Variants in AUTS2 observed in about 807,000 individuals in gnomAD.
AUTS2 encodes activator of transcription and developmental regulator AUTS2.
In AUTS2, 17 loss-of-function variants were observed where a neutral mutation model predicts 112.4. The ratio of observed to expected loss-of-function variants is 0.15; its 90% CI spans 0.10 to 0.23. The LOEUF is 0.23. Ranked by LOEUF, AUTS2 falls within the 10% of genes least tolerant of loss-of-function variation. The pLI is 1.00. For synonymous variants in AUTS2, 751 were observed against 702.7 expected, an observed-to-expected ratio of 1.07 and a Z score of -1.09; for missense variants, 1,510 against 1,701.6, an observed-to-expected ratio of 0.89 and a Z score of 1.98.
intron 1 of AUTS2, among the ~76,000 whole-genome samples, chr7:69,664,257 C>T (rs1231212723): frequency 6.6e-6 from 1 of 151,980 alleles, no homozygotes; most frequent in Non-Finnish European, 1.5e-5. Context: ...ATTTTGCTAT[C>T]AAAGAAAAAT....
chr7:70,265,481 G>GA (rs1787375203), intron 4 of AUTS2, among the ~76,000 whole-genome samples: 1 of 152,092 alleles, frequency 6.6e-6, no homozygotes, highest in South Asian at 2.1e-4. Context: ...TGGGAGGTGA[G>GA]AAAAAAAGTT....
At chr7:70,325,638 T>A (rs1005377860) in intron 4 of AUTS2, among the ~76,000 whole-genome samples, 1 of 152,190 alleles carries the variant, frequency 6.6e-6, no homozygotes, top group Non-Finnish European at 1.5e-5. Flanking sequence ...TAGAACCTGG[T>A]CACTCCAACC....
chr7:70,330,823 T>G (rs372869368), intron 4 of AUTS2, among the ~76,000 whole-genome samples: 23 of 152,356 alleles, frequency 1.5e-4, no homozygotes, highest in East Asian at 1.3e-3. Context: ...TTTATAATTT[T>G]CAGCATATAA....
At chr7:70,004,279 G>T (rs1253665302) in intron 2 of AUTS2, among the ~76,000 whole-genome samples, 1 of 121,614 alleles carries the variant, frequency 8.2e-6, no homozygotes, top group Non-Finnish European at 1.7e-5. Flanking sequence ...ATATATGAAT[G>T]TGTTATATAT....
chr7:70,763,087 G>A lies in AUTS2; in HGVS notation c.960G>A (p.Pro320=), dbSNP rs769492646. 47 of 1,614,040 alleles carry A rather than the reference G, an allele frequency of 2.9e-5. No homozygotes were observed. Among genetic ancestry groups the A allele is most frequent in the East Asian group, 1.3e-4 (6 of 44,872 alleles). ...QTEPQLRAPS[P]DPDLVQRTEA... ...AGCCCCAACTCCGAGCTCCTTCTCC[G>A]GACCCTGACTTGGTGCAGCGCACAG... The change falls in exon 7 of 19, where the codon CCG becomes CCA. Residue 320 remains proline (P), a synonymous_variant. Coordinates refer to ENST00000342771, the MANE Select transcript of AUTS2 (RefSeq NM_015570.4).
intron 2 of AUTS2, among the ~76,000 whole-genome samples, chr7:69,964,371 C>T (rs77469314): frequency 1.3e-5 from 2 of 152,274 alleles, no homozygotes; most frequent in East Asian, 3.9e-4. Context: ...ATGTGCTACC[C>T]ATTTGCGTGC....
chr7:70,763,076 G>T lies in AUTS2; in HGVS notation c.949G>T (p.Ala317Ser). 6.2e-7 allele frequency: 1 copy of T among 1,614,118 alleles called. No individual in the cohort carries two copies. Among genetic ancestry groups the T allele is most frequent in the Non-Finnish European group, 8.5e-7 (1 of 1,180,020 alleles). Residue 317 changes from alanine to serine, a missense_variant, in exon 7 of 19, where the codon GCT (alanine) becomes TCT (serine). Coordinates refer to ENST00000342771, the MANE Select transcript of AUTS2 (RefSeq NM_015570.4). ...PQPQTEPQLR[A>S]PSPDPDLVQR... ...GCCGCAGACGGAGCCCCAACTCCGA[G>T]CTCCTTCTCCGGACCCTGACTTGGT...
intron 4 of AUTS2, among the ~76,000 whole-genome samples, chr7:70,415,070 T>A (rs1470558748): frequency 6.6e-6 from 1 of 152,166 alleles, no homozygotes; most frequent in Non-Finnish European, 1.5e-5. Context: ...CCCTCAGAGG[T>A]GAGTGTCAAC....
chr7:70,188,433 A>G (rs1211126337), intron 4 of AUTS2, among the ~76,000 whole-genome samples: 5 of 152,228 alleles, frequency 3.3e-5, no homozygotes, highest in Non-Finnish European at 7.3e-5. Context: ...TCGTGTGTGA[A>G]TAATTGTAGG....
At chr7:70,566,335 C>G (rs1368077510) in intron 5 of AUTS2, among the ~76,000 whole-genome samples, 1 of 152,130 alleles carries the variant, frequency 6.6e-6, no homozygotes, top group Non-Finnish European at 1.5e-5. Flanking sequence ...AGGTGTATTT[C>G]TTGTCTTTTG....
intron 7 of AUTS2, 124 bp downstream of exon 7, chr7:70,763,465 T>C: frequency 2.8e-6 from 2 of 708,618 alleles, no homozygotes; most frequent in Non-Finnish European, 4.7e-6. Context: ...TCCTTTTCTC[T>C]GAGACTAGAG....
chr7:70,331,072 T>G (rs1259928190), intron 4 of AUTS2, among the ~76,000 whole-genome samples: 2 of 152,142 alleles, frequency 1.3e-5, no homozygotes, highest in Non-Finnish European at 1.5e-5. Context: ...TAAAATGAGT[T>G]AGGGAGGAGT....
chr7:69,838,389 A>G (rs969598628), intron 1 of AUTS2, among the ~76,000 whole-genome samples: 1 of 152,170 alleles, frequency 6.6e-6, no homozygotes, highest in African/African-American at 2.4e-5. Context: ...AACTTGCTTG[A>G]TCTTCACAAT....
intron 5 of AUTS2, among the ~76,000 whole-genome samples, chr7:70,653,762 T>C (rs1171204417): frequency 6.6e-6 from 1 of 152,230 alleles, no homozygotes; most frequent in Non-Finnish European, 1.5e-5. Flanking sequence ...AGTTGTATTT[T>C]TTTCTTTAAA....
chr7:69,968,148 A>G (rs549908163), intron 2 of AUTS2, among the ~76,000 whole-genome samples: 1 of 152,284 alleles, frequency 6.6e-6, no homozygotes, highest in East Asian at 1.9e-4. Flanking sequence ...ACAAAGGTAG[A>G]TATATTTTTG....
intron 1 of AUTS2, chr7:69,825,753 C>T (rs558945278): frequency 2.0e-5 from 3 of 152,272 alleles, no homozygotes; most frequent in African/African-American, 4.8e-5. Flanking sequence ...GGAGCAGGTC[C>T]ACAAGCATAC....
chr7:70,741,788 G>A (rs1255158547), intron 6 of AUTS2, among the ~76,000 whole-genome samples: 2 of 152,174 alleles, frequency 1.3e-5, no homozygotes, highest in Non-Finnish European at 2.9e-5. Flanking sequence ...GCTGACATGA[G>A]GAGGGTTGGA....
intron 4 of AUTS2, among the ~76,000 whole-genome samples, chr7:70,137,724 C>A (rs926381591): frequency 6.6e-6 from 1 of 152,092 alleles, no homozygotes; most frequent in Non-Finnish European, 1.5e-5. Context: ...TTTTAATGAA[C>A]ACAGAATATC....
At chr7:70,018,938 T>C (rs1167495745) in intron 2 of AUTS2, among the ~76,000 whole-genome samples, 3 of 152,302 alleles carry the variant, frequency 2.0e-5, no homozygotes, top group Non-Finnish European at 2.9e-5. Context: ...TATAAATTGT[T>C]CTATCATAAA....
Sources: allele counts gnomAD v4.1 joint callset (sites outside exome capture counted in the v4.1 genomes callset), GRCh38; gene constraint gnomAD v4.1.1; transcripts MANE v1.5; gene names NCBI Gene and HGNC (gene_info 2026-07-23, HGNC 2026-07-21).